Variants in ARHGAP11B observed in about 807,000 individuals in gnomAD.
ARHGAP11B encodes the protein inactive Rho GTPase-activating protein 11B.
ARHGAP11B carries 14 observed loss-of-function variants against 27.6 expected under a neutral mutation model. The ratio of observed to expected loss-of-function variants is 0.51; its 90% CI spans 0.34 to 0.79. The LOEUF (loss-of-function observed/expected upper bound fraction) is 0.79. Among genes scored for constraint, ARHGAP11B ranks in the 30% least tolerant of loss-of-function variants. The pLI, the probability that ARHGAP11B is intolerant of heterozygous loss-of-function variation, is 0.02. For missense variants in ARHGAP11B, 245 were observed against 320.1 expected, an observed-to-expected ratio of 0.77 and a Z score of 1.79; for synonymous variants, 82 against 114.1, an observed-to-expected ratio of 0.72 and a Z score of 1.80.
chr15:30,626,697 G>T, exon 1 of ARHGAP11B: 1 of 1,419,352 alleles, frequency 7.0e-7, no homozygotes, highest in Non-Finnish European at 9.4e-7. Flanking sequence ...CCGCAGAAGT[G>T]CCAGACGGGG....
intron 6 of ARHGAP11B, among the ~76,000 whole-genome samples, chr15:30,636,670 C>T (rs1373753487): frequency 1.3e-5 from 2 of 152,112 alleles, no homozygotes; most frequent in South Asian, 2.1e-4. Flanking sequence ...TTTGTCTCAC[C>T]GTTCTGGAGG....
chr15:30,631,847 C>T (rs1489122725), intron 2 of ARHGAP11B, among the ~76,000 whole-genome samples: 2 of 145,786 alleles, frequency 1.4e-5, no homozygotes, highest in African/African-American at 2.5e-5. Flanking sequence ...AGTGCAATGG[C>T]GTGATCTCGG....
chr15:30,633,595 A>C lies in ARHGAP11B; in HGVS notation c.297+9A>C. The stretch of plus-strand genomic sequence containing the variant: ...GCCTAAAAGCACTAAAGGTGAGCAT[A>C]TTGTTGAACTATAATTTTTCATTTG... On this transcript the variant is annotated intron_variant, in intron 3 of 10. Transcript: ENST00000428041. 1 of 1,598,736 alleles carries C rather than the reference A, an allele frequency of 6.3e-7. No individual in the cohort carries two copies. The highest frequency in any genetic ancestry group is 8.5e-7 in the Non-Finnish European group (1 of 1,173,452).
At chr15:30,646,627 C>T (rs1462289033) in intron 9 of ARHGAP11B, among the ~76,000 whole-genome samples, 1 of 151,364 alleles carries the variant, frequency 6.6e-6, no homozygotes, top group Non-Finnish European at 1.5e-5. Context: ...TGTGCCACTG[C>T]ACTCCAGCCT....
chr15:30,648,467 C>T (rs2060365577), exon 11 of ARHGAP11B, among the ~76,000 whole-genome samples: 1 of 151,918 alleles, frequency 6.6e-6, no homozygotes, highest in Admixed American at 6.6e-5. Context: ...TCAGACAGAC[C>T]TGGGTGTGGA....
intron 9 of ARHGAP11B, among the ~76,000 whole-genome samples, chr15:30,646,447 G>GTA (rs1315185519): frequency 1.3e-5 from 2 of 151,954 alleles, no homozygotes; most frequent in Admixed American, 1.3e-4. Flanking sequence ...TTAATCCTTA[G>GTA]GTCTTAAAGT....
chr15:30,648,301 T>C (rs117345903), intron 10 of ARHGAP11B, among the ~76,000 whole-genome samples: 2,287 of 152,146 alleles, frequency 0.015, 52 homozygotes, highest in Middle Eastern at 0.044. Flanking sequence ...TTACTTTTTA[T>C]AGGAGCAGCA....
intron 3 of ARHGAP11B, 102 bp from the exon 4 acceptor site, chr15:30,634,068 A>T (rs1235489086): frequency 1.5e-6 from 2 of 1,372,886 alleles, no homozygotes; most frequent in East Asian, 4.9e-5. Flanking sequence ...AGTTAAGAGA[A>T]ATTTATTAAA....
chr15:30,643,022 G>A (rs2060324368), intron 7 of ARHGAP11B, among the ~76,000 whole-genome samples: 1 of 151,962 alleles, frequency 6.6e-6, no homozygotes, highest in African/African-American at 2.4e-5. Context: ...TGTAATGATG[G>A]TGTGCAGTAC....
intron 2 of ARHGAP11B, among the ~76,000 whole-genome samples, chr15:30,632,645 C>T (rs1284265853): frequency 6.6e-6 from 1 of 150,646 alleles, no homozygotes; most frequent in Non-Finnish European, 1.5e-5. Flanking sequence ...TTTGTGGGTC[C>T]CAGCTGTTCA....
chr15:30,642,528 A>G (rs1340770285), intron 7 of ARHGAP11B, among the ~76,000 whole-genome samples: 5 of 152,144 alleles, frequency 3.3e-5, no homozygotes, highest in African/African-American at 1.2e-4. Flanking sequence ...TATATCTCAA[A>G]TACTCAGATT....
At chr15:30,633,395 T>A (rs1015909387) in intron 2 of ARHGAP11B, 95 bp from the exon 3 acceptor site, 6 of 1,077,962 alleles carry the variant, frequency 5.6e-6, no homozygotes, top group Non-Finnish European at 7.8e-6. Flanking sequence ...TTAGAGCCTC[T>A]GAAAGGTCTG....
intron 2 of ARHGAP11B, among the ~76,000 whole-genome samples, chr15:30,631,503 A>T (rs2060245019): frequency 6.6e-6 from 1 of 152,010 alleles, no homozygotes; most frequent in African/African-American, 2.4e-5. Context: ...TATAAAAAAA[A>T]TTTTAAAGAA....
At chr15:30,627,293 A>G (rs1327465540) in intron 1 of ARHGAP11B, among the ~76,000 whole-genome samples, 3 of 152,040 alleles carry the variant, frequency 2.0e-5, no homozygotes, top group African/African-American at 4.8e-5. Flanking sequence ...TGCTGGTAGC[A>G]TCTCTCAGTT....
At chr15:30,631,686 T>A (rs1251418383) in intron 2 of ARHGAP11B, among the ~76,000 whole-genome samples, 1 of 152,200 alleles carries the variant, frequency 6.6e-6, no homozygotes, top group African/African-American at 2.4e-5. Context: ...AAATATTGGA[T>A]AAAAGAATAT....
intron 1 of ARHGAP11B, among the ~76,000 whole-genome samples, chr15:30,628,132 G>T (rs1488197320): frequency 1.3e-5 from 2 of 150,096 alleles, no homozygotes; most frequent in Non-Finnish European, 3.0e-5. Context: ...CCAGGCTGGA[G>T]TGCAGTGGCG....
chr15:30,648,931 T>G (rs1292388506), exon 11 of ARHGAP11B: 1 of 152,050 alleles, frequency 6.6e-6, no homozygotes, highest in Non-Finnish European at 1.5e-5. Context: ...CTTTGAGCAT[T>G]TAATACTTTG....
intron 1 of ARHGAP11B, among the ~76,000 whole-genome samples, chr15:30,629,345 C>T (rs1285793533): frequency 6.8e-6 from 1 of 147,062 alleles, no homozygotes; most frequent in Non-Finnish European, 1.5e-5. Context: ...AGATCGAGAC[C>T]ATCCTAGCTA....
chr15:30,638,178 G>A (rs2060293296), intron 6 of ARHGAP11B, among the ~76,000 whole-genome samples: 1 of 151,022 alleles, frequency 6.6e-6, no homozygotes, highest in Non-Finnish European at 1.5e-5. Flanking sequence ...ATACCCTTCA[G>A]AAATTTTAAT....
Sources: gnomAD v4.1 joint callset for allele counts (sites outside exome capture counted in the v4.1 genomes callset) on GRCh38, gnomAD v4.1.1 for gene constraint, MANE v1.5 for transcripts, NCBI Gene and HGNC (gene_info 2026-07-23, HGNC 2026-07-21) for gene names.